VPS35L: variants seen among roughly 807,000 people sequenced by gnomAD.
VPS35L encodes the protein VPS35 endosomal protein-sorting factor-like.
In VPS35L, 83 loss-of-function variants were observed where a neutral mutation model predicts 133.0. That is an observed-to-expected ratio of 0.62 (90% CI 0.52 to 0.75). The LOEUF (loss-of-function observed/expected upper bound fraction) is 0.75, where lower values mean the gene tolerates loss of function less well. Among genes scored for constraint, VPS35L ranks in the 30% least tolerant of loss-of-function variants. The pLI is 0.00. For synonymous variants in VPS35L, 423 were observed against 449.9 expected (o/e 0.94, Z 0.76); for missense variants, 1,083 against 1,206.8 (o/e 0.90, Z 1.52).
chr16:19,598,967 C>T (rs186584), intron 8 of VPS35L, among the ~76,000 whole-genome samples: 6,968 of 152,118 alleles, frequency 0.046, 287 homozygotes, highest in African/African-American at 0.11. Context: ...TGTGATGGTC[C>T]GAGGTAACAT....
intron 11 of VPS35L, 114 bp downstream of exon 11, chr16:19,609,135 G>A (rs914340919): frequency 1.2e-6 from 1 of 853,268 alleles, no homozygotes; most frequent in Non-Finnish European, 1.9e-6. Context: ...CTTAATGTGT[G>A]TTAAGCACCT....
intron 7 of VPS35L, among the ~76,000 whole-genome samples, chr16:19,590,816 A>G (rs1972020780): frequency 1.3e-5 from 2 of 151,830 alleles, no homozygotes; most frequent in Admixed American, 6.6e-5. Context: ...TTAGCCAACC[A>G]TGGTGGTACA....
chr16:19,616,801 C>A lies in VPS35L; in HGVS notation c.1217C>A (p.Ala406Asp), dbSNP rs1380843066. 7.4e-6 allele frequency: 12 copies of A among 1,614,054 alleles called. No individual in the cohort carries two copies. Among genetic ancestry groups the A allele is most frequent in the Non-Finnish European group, 1.0e-5 (12 of 1,180,042 alleles). Reference sequence around the variant, plus strand: ...ATCTTCCAGTGCATCTCCTACCATGCCCCCGAGGTAACTGCCAGGTGGCTT... The same window carrying A: ...ATCTTCCAGTGCATCTCCTACCATGACCCCGAGGTAACTGCCAGGTGGCTT... ...DWIFQCISYHAPEALLTEMME... is the reference protein window; with the variant it reads ...DWIFQCISYHDPEALLTEMME... Residue 406 changes from alanine to aspartate, a missense_variant, in exon 14 of 31, where the codon GCC (alanine) becomes GAC (aspartate). Transcript: ENST00000417362.
intron 7 of VPS35L, among the ~76,000 whole-genome samples, chr16:19,585,406 CTTTT>C (rs201727936): frequency 7.2e-6 from 1 of 138,118 alleles, no homozygotes. Context: ...TTTCTTTTTT[CTTTT>C]TTTTTTTTTT....
In VPS35L at chr16:19,570,870, TA is replaced by T. The variant is rs1567388627; in HGVS notation, c.285+1280del. On this transcript the variant is annotated intron_variant, in intron 3 of 30. Transcript: ENST00000417362. ...ATATATATATATATATATATATATA[TA>T]TATATATATATATATATATTTTTGA... is the stretch of plus-strand genomic sequence containing the variant. Among the ~76,000 whole-genome samples the T allele has an allele frequency of 1.7e-3, 142 of 85,370 alleles. 5 individuals carry two copies. The highest frequency in any genetic ancestry group is 5.7e-3 in the African/African-American group (96 of 16,734). The allele number at this position is 85,370 out of a possible 152,430, so 56.0% of individuals were successfully genotyped here.
chr16:19,575,803 C>T (rs1314618471), intron 5 of VPS35L, among the ~76,000 whole-genome samples: 1 of 150,560 alleles, frequency 6.6e-6, no homozygotes, highest in Non-Finnish European at 1.5e-5. Flanking sequence ...GCGGAAGTTG[C>T]AGTGAGCCAA....
At chr16:19,603,796 A>G (rs1271894656) in intron 9 of VPS35L, among the ~76,000 whole-genome samples, 4 of 152,168 alleles carry the variant, frequency 2.6e-5, no homozygotes, top group African/African-American at 9.7e-5. Flanking sequence ...CAATGACGCA[A>G]TCTCAGCTCA....
chr16:19,630,775 G>A (rs1265064311), intron 18 of VPS35L, among the ~76,000 whole-genome samples: 1 of 151,942 alleles, frequency 6.6e-6, no homozygotes, highest in African/African-American at 2.4e-5. Context: ...CCTTATGAAG[G>A]AGATTAATGC....
chr16:19,682,890 C>A (rs112341879), intron 28 of VPS35L, among the ~76,000 whole-genome samples: 1 of 151,892 alleles, frequency 6.6e-6, no homozygotes. Flanking sequence ...AGTACAGATT[C>A]TTCAGCCCCA....
intron 4 of VPS35L, chr16:19,573,507 T>C (rs970637710): frequency 3.5e-6 from 1 of 286,980 alleles, no homozygotes; most frequent in South Asian, 4.8e-5. Context: ...GTCTTGTCTT[T>C]GGGAGGAGGT....
chr16:19,646,907 C>G (rs1157921119), intron 23 of VPS35L, among the ~76,000 whole-genome samples: 1 of 152,178 alleles, frequency 6.6e-6, no homozygotes, highest in Non-Finnish European at 1.5e-5. Flanking sequence ...CACCTTCATT[C>G]TGGGTGCTCT....
intron 1 of VPS35L, among the ~76,000 whole-genome samples, chr16:19,559,320 A>G (rs552139335): frequency 1.1e-3 from 168 of 152,276 alleles, no homozygotes; most frequent in Middle Eastern, 3.4e-3. Context: ...ATTGCTGGTG[A>G]TCTGTGAACC....
intron 24 of VPS35L, among the ~76,000 whole-genome samples, chr16:19,649,926 A>G (rs1283495290): frequency 6.6e-6 from 1 of 152,164 alleles, no homozygotes; most frequent in Non-Finnish European, 1.5e-5. Context: ...TTGGAACACT[A>G]TTAGTGATGA....
chr16:19,592,134 G>A (rs953758561), intron 8 of VPS35L, among the ~76,000 whole-genome samples: 5 of 151,746 alleles, frequency 3.3e-5, no homozygotes, highest in African/African-American at 9.7e-5. Context: ...GAGGGCAGTG[G>A]CGCAGTCATG....
chr16:19,622,659 C>G (rs535215579), intron 14 of VPS35L, among the ~76,000 whole-genome samples: 2 of 152,080 alleles, frequency 1.3e-5, no homozygotes, highest in African/African-American at 4.8e-5. Context: ...GTTAGGTAGG[C>G]GTTGAATGAT....
chr16:19,593,522 C>T (rs1322089978), intron 8 of VPS35L, among the ~76,000 whole-genome samples: 1 of 152,170 alleles, frequency 6.6e-6, no homozygotes, highest in Admixed American at 6.5e-5. Context: ...GCTAACTAAC[C>T]TTGAAAAAGT....
intron 7 of VPS35L, among the ~76,000 whole-genome samples, chr16:19,589,276 CT>C (rs1971966801): frequency 6.6e-6 from 1 of 152,136 alleles, no homozygotes; most frequent in Non-Finnish European, 1.5e-5. Context: ...CAGATTCTTG[CT>C]CTGTCTTCCA....
chr16:19,576,555 T>C (rs1001793430), intron 5 of VPS35L, among the ~76,000 whole-genome samples: 1 of 152,140 alleles, frequency 6.6e-6, no homozygotes, highest in Non-Finnish European at 1.5e-5. Context: ...AATTCCTATT[T>C]TGATGCTCCA....
rs74011482 is a variant in VPS35L, at chr16:19,654,924, A to T, written c.2221+2834A>T. 6.1e-3 allele frequency among the ~76,000 whole-genome samples: 926 copies of T among 152,344 alleles called. 12 individuals carry two copies. The highest frequency in any genetic ancestry group is 0.021 in the African/African-American group (864 of 41,578). ...CTTGGGAAATTTATAATTAGATCCC[A>T]TGTAGGGCTTTATGATAATTTTTTT... On this transcript the variant is annotated intron_variant, in intron 26 of 30. Transcript: ENST00000417362.
Sources: allele counts gnomAD v4.1 joint callset (sites outside exome capture counted in the v4.1 genomes callset), GRCh38; gene constraint gnomAD v4.1.1; transcripts MANE v1.5; gene names NCBI Gene and HGNC (gene_info 2026-07-23, HGNC 2026-07-21).